STK39: variants seen among roughly 807,000 people sequenced by gnomAD.
STK39 encodes serine/threonine kinase 39.
A neutral mutation model predicts 77.8 loss-of-function variants in STK39; 20 were observed. The observed-to-expected ratio is 0.26, with a 90% CI of 0.18 to 0.37. STK39 has a LOEUF of 0.37. Ranked by LOEUF, STK39 falls within the 10% of genes least tolerant of loss-of-function variation. STK39 has a pLI of 1.00. For synonymous variants in STK39, 246 were observed against 234.1 expected (o/e 1.05, Z -0.47); for missense variants, 479 against 656.5 (o/e 0.73, Z 2.95).
At chr2:168,173,089 ATT>A (rs1688868972) in intron 2 of STK39, among the ~76,000 whole-genome samples, 1 of 152,102 alleles carries the variant, frequency 6.6e-6, no homozygotes, top group South Asian at 2.1e-4. Context: ...GCTGAAATGT[ATT>A]TTTCTTTCAA....
At chr2:168,244,395 A>G (rs1574590530) in intron 1 of STK39, among the ~76,000 whole-genome samples, 1 of 152,338 alleles carries the variant, frequency 6.6e-6, no homozygotes, top group African/African-American at 2.4e-5. Flanking sequence ...CATGCTGGAA[A>G]GTTAAAACAC....
chr2:167,956,469 C>T (rs2105510954), intron 17 of STK39, among the ~76,000 whole-genome samples: 1 of 150,954 alleles, frequency 6.6e-6, no homozygotes, highest in Non-Finnish European at 1.5e-5. Context: ...AGGGCTGAGG[C>T]AGGGGAATCA....
intron 1 of STK39, among the ~76,000 whole-genome samples, chr2:168,199,531 CT>C (rs368936391): frequency 2.3e-3 from 333 of 144,272 alleles, no homozygotes; most frequent in East Asian, 4.2e-3. Context: ...TGCATTTTAA[CT>C]TTTTTTTTTT....
chr2:168,018,657 G>A (rs1167836233), intron 14 of STK39, among the ~76,000 whole-genome samples: 1 of 152,140 alleles, frequency 6.6e-6, no homozygotes, highest in African/African-American at 2.4e-5. Flanking sequence ...GTCTAAGACA[G>A]AGTCAGAGAT....
chr2:168,201,625 A>G (rs1689614497), intron 1 of STK39, among the ~76,000 whole-genome samples: 1 of 152,240 alleles, frequency 6.6e-6, no homozygotes. Flanking sequence ...ATTTACGAGT[A>G]GAAGGAATGC....
intron 16 of STK39, among the ~76,000 whole-genome samples, chr2:168,004,732 CAA>C (rs529234296): frequency 0.084 from 7,889 of 93,844 alleles, 716 homozygotes; most frequent in African/African-American, 0.24. Flanking sequence ...GACTCCATCT[CAA>C]AAAAAAAAAA....
At chr2:168,171,170 A>G (rs1688813513) in intron 2 of STK39, among the ~76,000 whole-genome samples, 1 of 152,212 alleles carries the variant, frequency 6.6e-6, no homozygotes, top group Non-Finnish European at 1.5e-5. Context: ...AAATTTCACA[A>G]GAGTGGGAAG....
At chr2:168,113,746 C>T (rs1280083469) in intron 10 of STK39, among the ~76,000 whole-genome samples, 1 of 152,174 alleles carries the variant, frequency 6.6e-6, no homozygotes. Context: ...GTCCCCAGAC[C>T]TGTAGAATGT....
At chr2:168,196,963 G>C (rs974455796) in intron 1 of STK39, among the ~76,000 whole-genome samples, 1 of 152,114 alleles carries the variant, frequency 6.6e-6, no homozygotes, top group African/African-American at 2.4e-5. Context: ...TAAACACAGG[G>C]AAAGAGTCCT....
At chr2:168,236,348 T>C (rs1393217958) in intron 1 of STK39, among the ~76,000 whole-genome samples, 1 of 152,224 alleles carries the variant, frequency 6.6e-6, no homozygotes, top group Non-Finnish European at 1.5e-5. Flanking sequence ...ATTCTGGATA[T>C]TAGCCCTTTG....
At chr2:168,236,714 C>T (rs1234652056) in intron 1 of STK39, among the ~76,000 whole-genome samples, 1 of 152,128 alleles carries the variant, frequency 6.6e-6, no homozygotes, top group Non-Finnish European at 1.5e-5. Context: ...GAATCATTTC[C>T]CCATTGCTTG....
intron 16 of STK39, among the ~76,000 whole-genome samples, chr2:167,998,635 TTTG>T (rs1683913697): frequency 6.6e-6 from 1 of 152,196 alleles, no homozygotes; most frequent in African/African-American, 2.4e-5. Flanking sequence ...TGTTTGTTTG[TTTG>T]TTTGTTTTGC....
chr2:168,130,639 C>A (rs1383725533), intron 8 of STK39, among the ~76,000 whole-genome samples: 1 of 152,218 alleles, frequency 6.6e-6, no homozygotes, highest in Non-Finnish European at 1.5e-5. Flanking sequence ...TTATGAATAT[C>A]CTGTTCCTGA....
chr2:168,200,458 A>G (rs917336214), intron 1 of STK39, among the ~76,000 whole-genome samples: 1 of 152,130 alleles, frequency 6.6e-6, no homozygotes, highest in African/African-American at 2.4e-5. Context: ...TGAAACCAGG[A>G]GTTCAAGACC....
intron 10 of STK39, among the ~76,000 whole-genome samples, chr2:168,109,615 T>C (rs746392807): frequency 2.4e-4 from 37 of 152,198 alleles, no homozygotes; most frequent in Non-Finnish European, 4.9e-4. Flanking sequence ...GAAATAACTT[T>C]TACAGGAAGG....
rs1180000218 is a variant in STK39, at chr2:168,027,649, C to T, written c.1377-10554G>A. On this transcript the variant is annotated intron_variant, in intron 14 of 17. Coordinates refer to ENST00000355999, the MANE Select transcript of STK39 (RefSeq NM_013233.3). Reference sequence around the variant, plus strand: ...GCATGAGCACACACATACACAAATACGCACAAGGTTTTCTTCAAATAAGAT... The same window carrying T: ...GCATGAGCACACACATACACAAATATGCACAAGGTTTTCTTCAAATAAGAT... 5.9e-5 allele frequency among the ~76,000 whole-genome samples: 9 copies of T among 152,264 alleles called. No homozygotes were observed. In the South Asian group the frequency reaches 8.3e-4, roughly 14 times the overall value.
rs75590877 is a variant in STK39, at chr2:168,029,132, T to C, written c.1377-12037A>G. Among the ~76,000 whole-genome samples the C allele has an allele frequency of 5.3e-5, 8 of 152,322 alleles. No homozygotes were observed. In the East Asian group the frequency reaches 1.5e-3, roughly 29 times the overall value. The stretch of plus-strand genomic sequence containing the variant: ...TAGTTTCAAAATTAAACTAAATATA[T>C]AACTGAACATTTTGTTGTTAAAAAT... On this transcript the variant is annotated intron_variant, in intron 14 of 17. Transcript: ENST00000355999.
chr2:168,200,948 C>T (rs1226077691), intron 1 of STK39, among the ~76,000 whole-genome samples: 1 of 152,182 alleles, frequency 6.6e-6, no homozygotes, highest in Admixed American at 6.5e-5. Flanking sequence ...ACTTATTTGA[C>T]AGACATCTTA....
At chr2:167,958,748 T>C (rs1240582729) in intron 17 of STK39, among the ~76,000 whole-genome samples, 1 of 152,242 alleles carries the variant, frequency 6.6e-6, no homozygotes, top group Non-Finnish European at 1.5e-5. Flanking sequence ...GCAATTTCTT[T>C]AATGTTAGTT....
Sources: allele counts gnomAD v4.1 joint callset (sites outside exome capture counted in the v4.1 genomes callset), GRCh38; gene constraint gnomAD v4.1.1; transcripts MANE v1.5; gene names NCBI Gene and HGNC (gene_info 2026-07-23, HGNC 2026-07-21).